The following SYCP2L variants were observed in gnomAD, a reference collection of about 807,000 sequenced individuals.
SYCP2L encodes the protein synaptonemal complex protein 2 like, also known as synaptonemal complex protein 2-like.
A neutral mutation model predicts 125.8 loss-of-function variants in SYCP2L; 98 were observed. That is an observed-to-expected ratio of 0.78 (90% confidence interval 0.66 to 0.92). SYCP2L has a LOEUF of 0.92. Ranked by LOEUF, SYCP2L falls within the 40% of genes least tolerant of loss-of-function variation. The pLI is 0.00. For synonymous variants in SYCP2L, 317 were observed against 325.4 expected (o/e 0.97, Z 0.28); for missense variants, 842 against 936.4 (o/e 0.90, Z 1.32).
intron 20 of SYCP2L, 113 bp downstream of exon 20, chr6:10,931,602 T>G: frequency 1.0e-6 from 1 of 986,890 alleles, no homozygotes; most frequent in Non-Finnish European, 1.6e-6. Context: ...TACTGATATG[T>G]GAATCACCGC....
chr6:10,900,353 CTTTTCT>C (rs1282872259), intron 6 of SYCP2L, among the ~76,000 whole-genome samples: 9 of 150,582 alleles, frequency 6.0e-5, no homozygotes, highest in Admixed American at 6.6e-5. Context: ...TTTTTCTTTT[CTTTTCT>C]TTTTTTTTTT....
At chr6:10,927,468 A>C (rs1002511729) in intron 17 of SYCP2L, 101 bp downstream of exon 17, 35 of 877,452 alleles carry the variant, frequency 4.0e-5, no homozygotes, top group African/African-American at 5.1e-5. Flanking sequence ...CAGGGGAGAC[A>C]TCACATGTCG....
At chr6:10,918,684 G>A (rs375009454) in intron 14 of SYCP2L, among the ~76,000 whole-genome samples, 21 of 151,738 alleles carry the variant, frequency 1.4e-4, no homozygotes, top group East Asian at 5.8e-4. Flanking sequence ...TTACAGGCAC[G>A]TGCCACCATA....
intron 21 of SYCP2L, among the ~76,000 whole-genome samples, chr6:10,939,057 T>A (rs1781164076): frequency 6.6e-6 from 1 of 152,032 alleles, no homozygotes; most frequent in Non-Finnish European, 1.5e-5. Flanking sequence ...GAGGTGCAGG[T>A]TGCAGTGAGC....
At chr6:10,963,720 T>C in intron 28 of SYCP2L, 62 bp from the exon 29 acceptor site, 1 of 1,525,942 alleles carries the variant, frequency 6.6e-7, no homozygotes, top group East Asian at 2.3e-5. Context: ...TATCTAGATG[T>C]ATGTTCTTGT....
intron 14 of SYCP2L, among the ~76,000 whole-genome samples, chr6:10,916,556 A>G (rs530285180): frequency 1.4e-4 from 21 of 152,330 alleles, no homozygotes; most frequent in Non-Finnish European, 2.8e-4. Flanking sequence ...TTAAATTTCC[A>G]TCTTGATTTC....
At chr6:10,925,663 C>A (rs1780883839) in intron 15 of SYCP2L, among the ~76,000 whole-genome samples, 1 of 152,016 alleles carries the variant, frequency 6.6e-6, no homozygotes. Flanking sequence ...TTATATGTAG[C>A]AAAGTGCTCT....
rs986767158 is a variant in SYCP2L at position 10,954,702 on chromosome 6, G to A, written c.1955-414G>A. 2.6e-5 allele frequency among the ~76,000 whole-genome samples: 4 copies of A among 152,174 alleles called. No homozygotes were observed. Among genetic ancestry groups the A allele is most frequent in the Admixed American group, 1.3e-4 (2 of 15,276 alleles). ...CCTTCAGCATAGCGCCGATGTGCCC[G>A]TGTCACCAGCAGATGGCGCGCTCCG... On this transcript the variant is annotated intron_variant, in intron 23 of 29. Coordinates refer to ENST00000283141, the MANE Select transcript of SYCP2L (RefSeq NM_001040274.3). This position sits in a 1 kb window ranked among gnomAD's most constrained non-coding sequence, Gnocchi z 4.8.
intron 23 of SYCP2L, among the ~76,000 whole-genome samples, chr6:10,951,522 T>G (rs1337388628): frequency 6.6e-6 from 1 of 152,238 alleles, no homozygotes; most frequent in Non-Finnish European, 1.5e-5. Context: ...ATATTTATTA[T>G]CAGTTGAGTT....
intron 29 of SYCP2L, among the ~76,000 whole-genome samples, chr6:10,964,316 A>G (rs182258584): frequency 1.4e-4 from 21 of 152,292 alleles, no homozygotes; most frequent in Admixed American, 8.5e-4. Context: ...GGTCTGGGTC[A>G]TTCCTTCAGT....
chr6:10,911,893 G>GCTTTTTT (rs1780613701), intron 12 of SYCP2L, among the ~76,000 whole-genome samples: 1 of 91,124 alleles, frequency 1.1e-5, no homozygotes, highest in African/African-American at 4.3e-5. Flanking sequence ...GGGAATAAAA[G>GCTTTTTT]CTTTTTTTTT....
intron 26 of SYCP2L, among the ~76,000 whole-genome samples, chr6:10,960,612 G>A (rs938444146): frequency 6.6e-6 from 1 of 152,188 alleles, no homozygotes; most frequent in Non-Finnish European, 1.5e-5. Context: ...TGGGAAAAGA[G>A]TGTATTAGCT....
At chr6:10,900,562 A>G (rs1561681030) in intron 6 of SYCP2L, among the ~76,000 whole-genome samples, 1 of 152,114 alleles carries the variant, frequency 6.6e-6, no homozygotes. Context: ...TATTTTGGCC[A>G]GGCTGGTTTT....
intron 25 of SYCP2L, among the ~76,000 whole-genome samples, chr6:10,956,640 T>C (rs1447474158): frequency 1.3e-5 from 2 of 152,176 alleles, no homozygotes; most frequent in Non-Finnish European, 2.9e-5. Context: ...AAATCTTTTT[T>C]TAAGTAGAGA....
At chr6:10,967,569 G>T (rs924091234) in intron 29 of SYCP2L, among the ~76,000 whole-genome samples, 4 of 150,854 alleles carry the variant, frequency 2.7e-5, no homozygotes, top group African/African-American at 9.8e-5. Context: ...TAACATTTAA[G>T]AATCTATTAA....
At chr6:10,969,410 G>C (rs1781732321) in intron 29 of SYCP2L, among the ~76,000 whole-genome samples, 1 of 147,268 alleles carries the variant, frequency 6.8e-6, no homozygotes. Flanking sequence ...GCCCAGGCTG[G>C]AGTGCAGTGG....
intron 8 of SYCP2L, among the ~76,000 whole-genome samples, chr6:10,905,809 C>G (rs1780479161): frequency 6.6e-6 from 1 of 152,136 alleles, no homozygotes; most frequent in South Asian, 2.1e-4. Flanking sequence ...TATAGTAGTT[C>G]TAGCATCTTA....
intron 14 of SYCP2L, among the ~76,000 whole-genome samples, chr6:10,916,008 G>A (rs1384759825): frequency 6.6e-6 from 1 of 152,112 alleles, no homozygotes; most frequent in Non-Finnish European, 1.5e-5. Context: ...GCTTGTTATT[G>A]GTCTATTCAG....
chr6:10,937,827 A>C (rs993749662), intron 21 of SYCP2L, among the ~76,000 whole-genome samples: 2 of 152,200 alleles, frequency 1.3e-5, no homozygotes, highest in African/African-American at 4.8e-5. Context: ...GAAATGGGTG[A>C]GTTTCTAGAA....
Sources: gnomAD v4.1 joint callset for allele counts (sites outside exome capture counted in the v4.1 genomes callset) on GRCh38, gnomAD v4.1.1 for gene constraint, Gnocchi (gnomAD v3.1) non-coding constraint, MANE v1.5 for transcripts, NCBI Gene and HGNC (gene_info 2026-07-23, HGNC 2026-07-21) for gene names.